The following SPAG6 variants were observed in gnomAD, a reference collection of about 807,000 sequenced individuals.
SPAG6 encodes sperm associated antigen 6, also known as sperm-associated antigen 6.
SPAG6 carries 49 observed loss-of-function variants against 58.5 expected under a neutral mutation model. That is an observed-to-expected ratio of 0.84 (90% CI 0.67 to 1.06). The LOEUF is 1.06. SPAG6 is among the 50% of genes least tolerant of loss of function. The pLI is 0.00. For missense variants in SPAG6, 560 were observed against 611.3 expected, an observed-to-expected ratio of 0.92 and a Z score of 0.89; for synonymous variants, 233 against 225.6, an observed-to-expected ratio of 1.03 and a Z score of -0.29.
chr10:22,349,500 C>T (rs926441463), intron 2 of SPAG6, among the ~76,000 whole-genome samples: 1 of 152,052 alleles, frequency 6.6e-6, no homozygotes, highest in Non-Finnish European at 1.5e-5. Flanking sequence ...ATATAAGAAA[C>T]ATGTTTTGTG....
chr10:22,412,763 G>A (rs1564383626), intron 10 of SPAG6: 1 of 247,466 alleles, frequency 4.0e-6, no homozygotes, highest in Admixed American at 5.4e-5. Flanking sequence ...AGTAGAGACA[G>A]GGTTTCACCA....
At chr10:22,352,693 T>G (rs1340278550) in intron 2 of SPAG6, among the ~76,000 whole-genome samples, 1 of 152,142 alleles carries the variant, frequency 6.6e-6, no homozygotes, top group Admixed American at 6.5e-5. Flanking sequence ...AATTTTTGTA[T>G]TTTTAGTAGA....
chr10:22,375,735 T>A (rs1373565010), intron 4 of SPAG6, among the ~76,000 whole-genome samples: 11 of 151,828 alleles, frequency 7.2e-5, no homozygotes, highest in Admixed American at 7.2e-4. Flanking sequence ...CCTGCCACCA[T>A]GCCTGGCTAA....
chr10:22,354,151 A>AT (rs1439070316), intron 2 of SPAG6, among the ~76,000 whole-genome samples: 1 of 152,196 alleles, frequency 6.6e-6, no homozygotes, highest in Non-Finnish European at 1.5e-5. Context: ...TAGAAAGGCA[A>AT]TTTTAGCAGT....
At chr10:22,357,899 A>G (rs916237014) in intron 2 of SPAG6, among the ~76,000 whole-genome samples, 4 of 151,812 alleles carry the variant, frequency 2.6e-5, no homozygotes, top group Non-Finnish European at 5.9e-5. Context: ...CCATGTCCCT[A>G]CAAAGGACCT....
chr10:22,401,226 A>G lies in SPAG6; in HGVS notation c.1263A>G (p.Leu421=), dbSNP rs147690584. 413 of 1,608,476 alleles carry G rather than the reference A, an allele frequency of 2.6e-4. No individual in the cohort carries two copies. Among genetic ancestry groups the G allele is most frequent in the Middle Eastern group, 2.1e-3 (13 of 6,054 alleles). ...ACTTACCAGCCCTTGAACCATTTCT[A>G]TATGATGCTCCTCCCAATATTCTGA... ...CTYLPALEPF[L]YDAPPNILKH... is the part of the protein sequence containing the mutation. Residue 421 remains leucine (L), a synonymous_variant, in exon 9 of 11, where the codon CTA becomes CTG. Coordinates refer to ENST00000376624, the MANE Select transcript of SPAG6 (RefSeq NM_012443.4).
intron 2 of SPAG6, among the ~76,000 whole-genome samples, chr10:22,356,062 A>C (rs938121718): frequency 1.3e-5 from 2 of 152,242 alleles, no homozygotes; most frequent in African/African-American, 2.4e-5. Flanking sequence ...TAGTATTAAA[A>C]TCAAAGTGGA....
At chr10:22,365,061 G>T in intron 3 of SPAG6, 42 bp downstream of exon 3, 1 of 1,463,292 alleles carries the variant, frequency 6.8e-7, no homozygotes, top group Non-Finnish European at 9.2e-7. Flanking sequence ...TTTTGTTTTA[G>T]ATTTTTAAAA....
intron 8 of SPAG6, among the ~76,000 whole-genome samples, chr10:22,396,570 C>T (rs1834298185): frequency 6.6e-6 from 1 of 152,138 alleles, no homozygotes; most frequent in Non-Finnish European, 1.5e-5. Flanking sequence ...ATCAATAATC[C>T]ACTAAGGAAA....
rs890871392 is a variant in SPAG6, at chr10:22,345,649, C to T, written c.25+13C>T. 2 of 1,551,922 alleles carry T rather than the reference C, an allele frequency of 1.3e-6. No individual in the cohort carries two copies. Among genetic ancestry groups the T allele is most frequent in the South Asian group, 1.2e-5 (1 of 84,512 alleles). ...CAGGTGCTGCAAGGTAGGGCCGAGGCGGGCAGGTGCCCTAACTAGCTGGCG... is the reference window on the plus strand; with the variant it reads ...CAGGTGCTGCAAGGTAGGGCCGAGGTGGGCAGGTGCCCTAACTAGCTGGCG... On this transcript the variant is annotated intron_variant, in intron 1 of 10. Coordinates refer to ENST00000376624, the MANE Select transcript of SPAG6 (RefSeq NM_012443.4). This position sits in a 1 kb window ranked among gnomAD's most constrained non-coding sequence, Gnocchi z 6.3.
Position 22,411,236 on chromosome 10 carries a change from C to G in SPAG6, c.1460+60C>G, listed in dbSNP as rs139227182. On this transcript the variant is annotated intron_variant, in intron 10 of 10. Coordinates refer to ENST00000376624, the MANE Select transcript of SPAG6 (RefSeq NM_012443.4). ...GAATGTAGTTTTTCTGTTTTCACAT[C>G]TAGGTTTTATATCCACTGTGTCAAA... 693 of 1,443,574 alleles carry G rather than the reference C, an allele frequency of 4.8e-4. 5 individuals carry two copies. In the African/African-American group the frequency reaches 9.2e-3, roughly 19 times the overall value. The allele number at this position is 1,443,574 out of a possible 1,614,324, so 89.4% of individuals were successfully genotyped here. A position where few individuals can be genotyped will look rare whatever the true frequency, so the allele number is the denominator to read the frequency against.
rs539336689 is a variant in SPAG6 at position 22,390,709 on chromosome 10, G to A, written c.1006-1020G>A. Among the ~76,000 whole-genome samples, 207 of 152,196 alleles carry A rather than the reference G, an allele frequency of 1.4e-3. 1 individual carries two copies. The highest frequency in any genetic ancestry group is 4.3e-3 in the African/African-American group (177 of 41,524). Reference sequence around the variant, plus strand: ...AGTCTTGTTACATCCTGGACATGTGGGCTTTCTGGAAAGTTGCTTCATTCT... The same window carrying A: ...AGTCTTGTTACATCCTGGACATGTGAGCTTTCTGGAAAGTTGCTTCATTCT... On this transcript the variant is annotated intron_variant, in intron 7 of 10. Coordinates refer to ENST00000376624, the MANE Select transcript of SPAG6 (RefSeq NM_012443.4).
At chr10:22,346,497 T>TTCTTCTTTCTTCTTTCTTC (rs1554776508) in intron 2 of SPAG6, among the ~76,000 whole-genome samples, 16 of 74,370 alleles carry the variant, frequency 2.2e-4, no homozygotes, top group African/African-American at 8.6e-4. Flanking sequence ...CTTCTTCTTC[T>TTCTTCTTTCTTCTTTCTTC]TTCTTCTTCT....
rs772399907 is a variant in SPAG6, at chr10:22,389,211, A to G, written c.904A>G (p.Ile302Val). ...AGGGGTTGCTGCCGTGATTGACTGC[A>G]TTGGGTCCTGCAAAGGGAACACACG... ...AGGVAAVIDC[I>V]GSCKGNTRLP... The change falls in exon 7 of 11, where the codon ATT (isoleucine) becomes GTT (valine). Residue 302 changes from isoleucine (I) to valine (V), a missense_variant. Ile to Val is a conservative substitution (Grantham distance 29, BLOSUM62 3). Coordinates refer to ENST00000376624, the MANE Select transcript of SPAG6 (RefSeq NM_012443.4). The G allele has an allele frequency of 8.1e-6, 13 of 1,613,428 alleles. No individual in the cohort carries two copies. The highest frequency in any genetic ancestry group is 1.7e-4 in the Middle Eastern group (1 of 5,932).
intron 9 of SPAG6, among the ~76,000 whole-genome samples, chr10:22,407,275 T>C (rs1328440105): frequency 3.9e-5 from 6 of 152,138 alleles, no homozygotes; most frequent in Admixed American, 6.5e-5. Context: ...GCAGCTGGTA[T>C]CGGTTGTTTC....
chr10:22,368,364 C>T (rs1433666836), intron 3 of SPAG6, 131 bp from the exon 4 acceptor site: 4 of 640,198 alleles, frequency 6.2e-6, no homozygotes, highest in East Asian at 5.7e-5. Context: ...GGATGTTTTT[C>T]ATCTTTTATA....
At chr10:22,362,955 G>A (rs984155157) in intron 2 of SPAG6, among the ~76,000 whole-genome samples, 3 of 152,002 alleles carry the variant, frequency 2.0e-5, no homozygotes, top group Middle Eastern at 3.2e-3. Flanking sequence ...ATCCATATTC[G>A]GATAGCTGTT....
intron 9 of SPAG6, among the ~76,000 whole-genome samples, chr10:22,404,325 A>C (rs1834494122): frequency 2.0e-5 from 1 of 49,084 alleles, no homozygotes; most frequent in Non-Finnish European, 4.3e-5. Flanking sequence ...AGGTGTAAGG[A>C]AGGGATCCAG....
rs569816353 is a variant in SPAG6, at chr10:22,395,748, C to T, written c.1197+3828C>T. Among the ~76,000 whole-genome samples the T allele has an allele frequency of 6.6e-5, 10 of 152,262 alleles. No homozygotes were observed. The South Asian group carries it at 2.1e-3, about 32-fold the overall frequency. On this transcript the variant is annotated intron_variant, in intron 8 of 10. Transcript: ENST00000376624. ...TTTTAATGAAATTCAATTGCATATG[C>T]TTTTTGTGTTGTATCTAAGAAGGCT...
Sources: gnomAD v4.1 joint callset for allele counts (sites outside exome capture counted in the v4.1 genomes callset) on GRCh38, gnomAD v4.1.1 for gene constraint, Gnocchi (gnomAD v3.1) non-coding constraint, MANE v1.5 for transcripts, NCBI Gene and HGNC (gene_info 2026-07-23, HGNC 2026-07-21) for gene names.